Variants in NKAIN3 observed in about 807,000 individuals in gnomAD.
NKAIN3 encodes sodium/potassium transporting ATPase interacting 3, also known as sodium/potassium-transporting ATPase subunit beta-1-interacting protein 3.
A neutral mutation model predicts 30.2 loss-of-function variants in NKAIN3; 25 were observed. That is an observed-to-expected ratio of 0.83 (90% CI 0.60 to 1.16). NKAIN3 has a LOEUF of 1.16. Among genes scored for constraint, NKAIN3 ranks in the 50% most tolerant of loss-of-function variants. The pLI, the probability that NKAIN3 is intolerant of heterozygous loss-of-function variation, is 0.00. For synonymous variants in NKAIN3, 91 were observed against 89.6 expected, an observed-to-expected ratio of 1.02 and a Z score of -0.09; for missense variants, 225 against 254.1, an observed-to-expected ratio of 0.89 and a Z score of 0.78.
At chr8:62,813,268 C>G (rs148450950) in intron 4 of NKAIN3, among the ~76,000 whole-genome samples, 1 of 151,878 alleles carries the variant, frequency 6.6e-6, no homozygotes, top group Non-Finnish European at 1.5e-5. Context: ...ATATTTTGAA[C>G]TCTGTTAATA....
chr8:62,724,882 C>T (rs532891700), intron 3 of NKAIN3, among the ~76,000 whole-genome samples: 10 of 152,102 alleles, frequency 6.6e-5, no homozygotes, highest in Admixed American at 5.2e-4. Context: ...TCCTTTCTTT[C>T]GGGTTTACAC....
intron 3 of NKAIN3, among the ~76,000 whole-genome samples, chr8:62,721,713 A>G (rs1815098056): frequency 6.6e-6 from 1 of 152,204 alleles, no homozygotes; most frequent in Admixed American, 6.5e-5. Context: ...GAGATTTTTC[A>G]ATTTATAATG....
At chr8:62,732,181 C>T (rs1462444080) in intron 3 of NKAIN3, among the ~76,000 whole-genome samples, 1 of 152,018 alleles carries the variant, frequency 6.6e-6, no homozygotes, top group Non-Finnish European at 1.5e-5. Context: ...ACTAAGAAAA[C>T]TCTTATCTGC....
chr8:62,879,461 T>C (rs1423129929), intron 4 of NKAIN3, among the ~76,000 whole-genome samples: 1 of 152,226 alleles, frequency 6.6e-6, no homozygotes, highest in Non-Finnish European at 1.5e-5. Context: ...ATTCTGTAGG[T>C]TGCCTGTTCA....
intron 4 of NKAIN3, among the ~76,000 whole-genome samples, chr8:62,847,565 T>C (rs1425730663): frequency 1.3e-5 from 2 of 152,152 alleles, no homozygotes; most frequent in Non-Finnish European, 2.9e-5. Flanking sequence ...AAGTTCTTTA[T>C]AGATGCTGGA....
intron 4 of NKAIN3, among the ~76,000 whole-genome samples, chr8:62,775,215 T>C (rs1817151467): frequency 6.6e-6 from 1 of 152,116 alleles, no homozygotes; most frequent in South Asian, 2.1e-4. Context: ...TGGCCTCTAA[T>C]AATCCTTTGA....
intron 4 of NKAIN3, among the ~76,000 whole-genome samples, chr8:62,853,158 T>C (rs962879526): frequency 6.6e-6 from 1 of 152,212 alleles, no homozygotes; most frequent in Non-Finnish European, 1.5e-5. Flanking sequence ...TGCATATATA[T>C]GTAGAATAGT....
Position 62,430,399 on chromosome 8 carries a change from G to GTGTA in NKAIN3, c.55-149137_55-149136insATGT, listed in dbSNP as rs1554530286. On this transcript the variant is annotated intron_variant, in intron 1 of 6. Coordinates refer to ENST00000623646, the MANE Select transcript of NKAIN3 (RefSeq NM_001304533.3). ...TGTGTGTGTGTGTGTGTGTGTGTGTGTGTGTGTGGATGGGTGTGTATTTGA... is the reference window on the plus strand; with the variant it reads ...TGTGTGTGTGTGTGTGTGTGTGTGTGTGTATGTGTGTGGATGGGTGTGTATTTGA... Among the ~76,000 whole-genome samples the GTGTA allele has an allele frequency of 1.9e-3, 284 of 150,968 alleles. 2 individuals are homozygous for GTGTA. The highest frequency in any genetic ancestry group is 6.6e-3 in the African/African-American group (271 of 41,120).
intron 3 of NKAIN3, among the ~76,000 whole-genome samples, chr8:62,692,029 G>C (rs1453157447): frequency 6.6e-6 from 1 of 152,178 alleles, no homozygotes; most frequent in Non-Finnish European, 1.5e-5. Context: ...GGCCTATAAT[G>C]ATCTTGGCTT....
intron 1 of NKAIN3, among the ~76,000 whole-genome samples, chr8:62,345,420 C>CACATGT (rs1311399718): frequency 4.4e-5 from 5 of 113,254 alleles, no homozygotes; most frequent in African/African-American, 1.5e-4. Context: ...TATATATACA[C>CACATGT]ATATATACAC....
At chr8:62,420,950 A>G (rs1804619391) in intron 1 of NKAIN3, among the ~76,000 whole-genome samples, 1 of 152,186 alleles carries the variant, frequency 6.6e-6, no homozygotes, top group Non-Finnish European at 1.5e-5. Flanking sequence ...TGGCATAAAC[A>G]CCAAAAGGAA....
At chr8:62,770,657 C>T (rs753146046) in intron 4 of NKAIN3, among the ~76,000 whole-genome samples, 5 of 152,026 alleles carry the variant, frequency 3.3e-5, no homozygotes, top group Non-Finnish European at 5.9e-5. Context: ...GGAACACAAA[C>T]ATGCAGTCCA....
intron 1 of NKAIN3, among the ~76,000 whole-genome samples, chr8:62,445,072 A>C (rs1405926470): frequency 6.6e-6 from 1 of 152,052 alleles, no homozygotes; most frequent in African/African-American, 2.4e-5. Flanking sequence ...CAGCCTCCCA[A>C]GTAGCTAGGA....
chr8:62,893,160 A>G (rs1284319767), intron 4 of NKAIN3, among the ~76,000 whole-genome samples: 1 of 152,194 alleles, frequency 6.6e-6, no homozygotes, highest in Non-Finnish European at 1.5e-5. Context: ...GGTTGAGCTC[A>G]GGGCAACTTG....
chr8:62,889,831 T>C (rs773999751), intron 4 of NKAIN3, among the ~76,000 whole-genome samples: 32 of 152,262 alleles, frequency 2.1e-4, no homozygotes, highest in South Asian at 1.7e-3. Flanking sequence ...GACATTGGGA[T>C]GAGCGTGGCA....
At chr8:62,958,250 A>G (rs1403265349) in intron 6 of NKAIN3, among the ~76,000 whole-genome samples, 1 of 151,806 alleles carries the variant, frequency 6.6e-6, no homozygotes, top group Non-Finnish European at 1.5e-5. Flanking sequence ...ACCCTAAGAG[A>G]CCTGCAGCAG....
At chr8:62,751,865 A>C (rs1409791854) in intron 4 of NKAIN3, among the ~76,000 whole-genome samples, 1 of 147,732 alleles carries the variant, frequency 6.8e-6, no homozygotes, top group Non-Finnish European at 1.5e-5. Context: ...AGCATTTCCT[A>C]GTCCTCTCCC....
intron 3 of NKAIN3, among the ~76,000 whole-genome samples, chr8:62,660,973 G>A (rs931752575): frequency 6.6e-6 from 1 of 152,200 alleles, no homozygotes; most frequent in Non-Finnish European, 1.5e-5. Flanking sequence ...CTTCTGTATA[G>A]AATCCACTGC....
intron 1 of NKAIN3, among the ~76,000 whole-genome samples, chr8:62,342,019 CA>C (rs1278447866): frequency 6.6e-6 from 1 of 151,844 alleles, no homozygotes; most frequent in Non-Finnish European, 1.5e-5. Flanking sequence ...GTGACAAAGA[CA>C]AAACTCTAAT....
Sources: gnomAD v4.1 joint callset for allele counts (sites outside exome capture counted in the v4.1 genomes callset) on GRCh38, gnomAD v4.1.1 for gene constraint, MANE v1.5 for transcripts, NCBI Gene and HGNC (gene_info 2026-07-23, HGNC 2026-07-21) for gene names.